Variants in GTF3A observed in about 807,000 individuals in gnomAD.
The protein encoded by GTF3A is transcription factor IIIA.
In GTF3A, 40 loss-of-function variants were observed where a neutral mutation model predicts 37.6. The ratio of observed to expected loss-of-function variants is 1.06; its 90% CI spans 0.83 to 1.38. The LOEUF is 1.38. GTF3A is among the 40% of genes most tolerant of loss of function. The pLI is 0.00. For synonymous variants in GTF3A, 191 were observed against 166.7 expected (o/e 1.15, Z -1.12); for missense variants, 500 against 462.6 (o/e 1.08, Z -0.74).
chr13:27,427,112 TGAAG>T lies in GTF3A; in HGVS notation c.224_227del (p.Glu75GlyfsTer12), dbSNP rs1953612130. 4 of 1,592,482 alleles carry T rather than the reference TGAAG, an allele frequency of 2.5e-6. No individual in the cohort carries two copies. Among genetic ancestry groups the T allele is most frequent in the East Asian group, 2.2e-5 (1 of 44,772 alleles). ...GCTAGAGACCATTTGTTTGTGACTA[TGAAG>T]GGTGTGGCAAGGCCTTCATCAGGGA... On this transcript the variant is annotated frameshift_variant, in exon 2 of 9. Transcript: ENST00000381140. LOFTEE classifies it high-confidence loss of function.
chr13:27,435,370 G>A (rs1193870768), intron 8 of GTF3A, 63 bp from the exon 9 acceptor site: 21 of 1,519,086 alleles, frequency 1.4e-5, no homozygotes, highest in Admixed American at 1.9e-5. Context: ...TATGACTATC[G>A]TAAAATTAAC....
At position 27,424,792 on chromosome 13, in the gene GTF3A, G is replaced by A. The variant is rs931005184; in HGVS notation, c.55G>A (p.Ala19Thr). Residue 19 changes from alanine (A) to threonine (T), a missense_variant, in exon 1 of 9, where the codon GCG becomes ACG. Coordinates refer to ENST00000381140, the MANE Select transcript of GTF3A (RefSeq NM_002097.3). ...GGTGTCGTCCTTGACCATCGCCGAC[G>A]CGTTCATTGCAGCCGGCGAGAGCTC... 9.1e-6 allele frequency: 14 copies of A among 1,544,616 alleles called. No individual in the cohort carries two copies. Among genetic ancestry groups the A allele is most frequent in the Non-Finnish European group, 1.1e-5 (13 of 1,144,862 alleles).
intron 2 of GTF3A, among the ~76,000 whole-genome samples, chr13:27,427,552 A>G (rs1224873670): frequency 1.3e-5 from 2 of 152,188 alleles, no homozygotes; most frequent in Non-Finnish European, 2.9e-5. Context: ...ACAGCCAGGA[A>G]AATGAATGCA....
In GTF3A at chr13:27,435,001, A is replaced by G. The variant is rs757498796; in HGVS notation, c.840A>G (p.Glu280=). Residue 280 remains glutamate (E), a synonymous_variant, in exon 7 of 9, where the codon GAA becomes GAG. Coordinates refer to ENST00000381140, the MANE Select transcript of GTF3A (RefSeq NM_002097.3). Reference sequence around the variant, plus strand: ...AGGAAAGCCGCCCTTTTGTGTGTGAACATGCTGGCTGTGGCAAAACATTTG... The same window carrying G: ...AGGAAAGCCGCCCTTTTGTGTGTGAGCATGCTGGCTGTGGCAAAACATTTG... 3 of 1,609,824 alleles carry G rather than the reference A, an allele frequency of 1.9e-6. No homozygotes were observed. The highest frequency in any genetic ancestry group is 3.3e-5 in the Admixed American group (2 of 60,014).
chr13:27,435,393 G>T, intron 8 of GTF3A, 40 bp from the exon 9 acceptor site: 2 of 1,585,932 alleles, frequency 1.3e-6, no homozygotes, highest in South Asian at 2.2e-5. Context: ...AGACAGTTTT[G>T]ATTTTGAATT....
chr13:27,430,505 A>G lies in GTF3A; in HGVS notation c.400-28A>G, dbSNP rs570782859. The G allele has an allele frequency of 1.1e-3, 1,517 of 1,379,522 alleles. 33 individuals carry two copies. The South Asian group carries it at 0.017, about 16-fold the overall frequency. The allele number at this position is 1,379,522 out of a possible 1,614,324, so 85.5% of individuals were successfully genotyped here. On this transcript the variant is annotated intron_variant, in intron 3 of 8. Coordinates refer to ENST00000381140, the MANE Select transcript of GTF3A (RefSeq NM_002097.3). The stretch of plus-strand genomic sequence containing the variant: ...GTTCATTTTGTTTTGACTTTCCATA[A>G]GACTAACGAGCCTTTACAATTTAAC...
intron 4 of GTF3A, 28 bp downstream of exon 4, chr13:27,430,649 C>G: frequency 7.2e-7 from 1 of 1,380,740 alleles, no homozygotes; most frequent in Non-Finnish European, 1.0e-6. Flanking sequence ...CTGAAAATGC[C>G]TGGATTCTAG....
chr13:27,433,686 G>A (rs79793528), intron 5 of GTF3A, among the ~76,000 whole-genome samples: 15,195 of 152,064 alleles, frequency 0.1, 1,118 homozygotes, highest in Non-Finnish European at 0.15. Flanking sequence ...ATGGACAAGG[G>A]ACCGACTGCA....
Position 27,424,836 on chromosome 13 carries a change from C to T in GTF3A, c.99C>T (p.Arg33=), listed in dbSNP as rs1157237381. 3.9e-6 allele frequency: 6 copies of T among 1,550,832 alleles called. No homozygotes were observed. Among genetic ancestry groups the T allele is most frequent in the African/African-American group, 1.4e-5 (1 of 73,130 alleles). ...AGAGCTCAGCTCCGACCCCGCCGCG[C>T]CCCGCGCTTCCCAGGAGGTTCATCT... The change falls in exon 1 of 9, where the codon CGC becomes CGT. Residue 33 remains arginine (R), a synonymous_variant. Transcript: ENST00000381140.
At chr13:27,427,033 A>G (rs1953611526) in intron 1 of GTF3A, 59 bp from the exon 2 acceptor site, 11 of 880,882 alleles carry the variant, frequency 1.2e-5, no homozygotes, top group South Asian at 8.4e-5. Context: ...AAGCTTTTAA[A>G]TAATACCAGA....
chr13:27,434,472 T>G (rs1289639163), intron 6 of GTF3A, among the ~76,000 whole-genome samples: 1 of 152,180 alleles, frequency 6.6e-6, no homozygotes, highest in African/African-American at 2.4e-5. Context: ...GAGGCACTGC[T>G]GTTCTGTGGG....
intron 2 of GTF3A, among the ~76,000 whole-genome samples, chr13:27,427,459 C>T (rs1953615684): frequency 1.3e-5 from 2 of 152,092 alleles, no homozygotes; most frequent in Admixed American, 1.3e-4. Flanking sequence ...TGCCTGTAAT[C>T]CTAGCTACCC....
Position 27,435,728 on chromosome 13 carries a change from T to C in GTF3A, c.*131T>C. ...TCATTTCCATGGTCTTTGTTCAAAG[T>C]GTCTCTTTCCTGGGTCTCTTGAGTT... On this transcript the variant is annotated 3_prime_UTR_variant, in exon 9 of 9. Transcript: ENST00000381140. 6.2e-7 allele frequency: 1 copy of C among 1,614,166 alleles called. No homozygotes were observed. The highest frequency in any genetic ancestry group is 1.3e-5 in the African/African-American group (1 of 75,052).
intron 3 of GTF3A, 140 bp downstream of exon 3, chr13:27,430,106 CAT>C (rs1303596269): frequency 1.9e-5 from 8 of 421,546 alleles, no homozygotes; most frequent in African/African-American, 1.5e-4. Flanking sequence ...GCCTGGGAAA[CAT>C]AGTGAAATGC....
intron 7 of GTF3A, 46 bp from the exon 8 acceptor site, chr13:27,435,087 G>T: frequency 6.4e-7 from 1 of 1,564,840 alleles, no homozygotes; most frequent in South Asian, 1.1e-5. Context: ...TTCACAACAT[G>T]GTTTTCATAT....
In GTF3A at chr13:27,435,480, A is replaced by G. The variant is rs778287073; in HGVS notation, c.981A>G (p.Gly327=). The G allele has an allele frequency of 3.7e-6, 6 of 1,613,244 alleles. No homozygotes were observed. The East Asian group carries it at 6.7e-5, about 18-fold the overall frequency. Residue 327 remains glycine, a synonymous_variant, in exon 9 of 9, where the codon GGA becomes GGG. Coordinates refer to ENST00000381140, the MANE Select transcript of GTF3A (RefSeq NM_002097.3). ...GGAGTTTGGCCTCTCATCTCAGTGG[A>G]TATATCCCTCCCAAAAGGAAACAAG...
Position 27,435,721 on chromosome 13 carries a change from T to G in GTF3A, c.*124T>G, listed in dbSNP as rs145073416. ...TTCCTTATCATTTCCATGGTCTTTG[T>G]TCAAAGTGTCTCTTTCCTGGGTCTC... is the stretch of plus-strand genomic sequence containing the variant. On this transcript the variant is annotated 3_prime_UTR_variant, in exon 9 of 9. Coordinates refer to ENST00000381140, the MANE Select transcript of GTF3A (RefSeq NM_002097.3). 4.0e-5 allele frequency: 65 copies of G among 1,614,082 alleles called. No homozygotes were observed. Among genetic ancestry groups the G allele is most frequent in the Non-Finnish European group, 5.1e-5 (60 of 1,180,020 alleles).
In GTF3A at chr13:27,434,924, A is replaced by G; in HGVS notation, c.763A>G (p.Arg255Gly). The stretch of plus-strand genomic sequence containing the variant: ...TCGCTGTCCAAGAGAAGGCTGTGGA[A>G]GAACCTATACAACTGTGTTTAATCT... Residue 255 changes from arginine to glycine, a missense_variant, in exon 7 of 9, where the codon AGA (arginine) becomes GGA (glycine). Arg to Gly is a moderately radical substitution (Grantham distance 125). Transcript: ENST00000381140. The G allele has an allele frequency of 6.2e-7, 1 of 1,609,866 alleles. No homozygotes were observed. Among genetic ancestry groups the G allele is most frequent in the Non-Finnish European group, 8.5e-7 (1 of 1,176,088 alleles).
At chr13:27,435,076 T>C in intron 7 of GTF3A, 42 bp downstream of exon 7, 1 of 1,558,568 alleles carries the variant, frequency 6.4e-7, no homozygotes, top group Non-Finnish European at 8.8e-7. Flanking sequence ...TAGTCTATGC[T>C]TTCACAACAT....
Sources: gnomAD v4.1 joint callset for allele counts (sites outside exome capture counted in the v4.1 genomes callset) on GRCh38, gnomAD v4.1.1 for gene constraint, MANE v1.5 for transcripts, NCBI Gene and HGNC (gene_info 2026-07-23, HGNC 2026-07-21) for gene names.